CNKSR3: variants seen among roughly 807,000 people sequenced by gnomAD.
CNKSR3 encodes CNKSR family member 3.
A neutral mutation model predicts 67.7 loss-of-function variants in CNKSR3; 36 were observed. The ratio of observed to expected loss-of-function variants is 0.53; its 90% CI spans 0.41 to 0.70. The LOEUF (loss-of-function observed/expected upper bound fraction) is 0.70, where lower values mean the gene tolerates loss of function less well. Ranked by LOEUF, CNKSR3 falls within the 30% of genes least tolerant of loss-of-function variation. CNKSR3 has a pLI of 0.00. For missense variants in CNKSR3, 630 were observed against 695.2 expected (o/e 0.91, Z 1.05); for synonymous variants, 281 against 271.4 (o/e 1.04, Z -0.35).
intron 1 of CNKSR3, among the ~76,000 whole-genome samples, chr6:154,473,793 T>A (rs1786382643): frequency 6.6e-6 from 1 of 151,944 alleles, no homozygotes; most frequent in African/African-American, 2.4e-5. Flanking sequence ...CACTATTTTT[T>A]TTTTCTTTTT....
At chr6:154,453,615 T>C (rs1785885095) in intron 1 of CNKSR3, among the ~76,000 whole-genome samples, 1 of 152,236 alleles carries the variant, frequency 6.6e-6, no homozygotes, top group East Asian at 1.9e-4. Flanking sequence ...ATGCTAGGTT[T>C]TAAATAGTGT....
At chr6:154,509,204 T>C (rs1014003066) in intron 1 of CNKSR3, among the ~76,000 whole-genome samples, 4 of 151,944 alleles carry the variant, frequency 2.6e-5, no homozygotes, top group Admixed American at 2.6e-4. Context: ...CAGAAAAGGG[T>C]TGAGTAAACT....
chr6:154,437,318 C>T (rs1785491045), intron 4 of CNKSR3, among the ~76,000 whole-genome samples: 1 of 151,888 alleles, frequency 6.6e-6, no homozygotes, highest in South Asian at 2.1e-4. Flanking sequence ...GTAAGCCACA[C>T]TCAACTCATT....
At chr6:154,477,854 C>T (rs1032071458) in intron 1 of CNKSR3, among the ~76,000 whole-genome samples, 1 of 152,286 alleles carries the variant, frequency 6.6e-6, no homozygotes, top group Admixed American at 6.5e-5. Context: ...ATGTGACTCC[C>T]CTGATTTAGA....
At position 154,448,995 on chromosome 6, in the gene CNKSR3, C is replaced by T. The variant is rs575956848; in HGVS notation, c.216+1100G>A. On this transcript the variant is annotated intron_variant, in intron 2 of 12. Coordinates refer to ENST00000607772, the MANE Select transcript of CNKSR3 (RefSeq NM_173515.4). ...GTAAACTGCATCTTTAGCCTGGCAC[C>T]GGGACAGGCAGACTTGAATCCCACC... 2.0e-4 allele frequency among the ~76,000 whole-genome samples: 31 copies of T among 152,236 alleles called. 1 individual carries two copies. Among genetic ancestry groups the T allele is most frequent in the South Asian group, 8.3e-4 (4 of 4,818 alleles).
Position 154,398,021 on chromosome 6 carries a change from T to C in CNKSR3, c.*8333A>G, listed in dbSNP as rs3812242. The C allele has an allele frequency of 0.24, 36,321 of 152,140 alleles. 5,221 individuals carry two copies. Among genetic ancestry groups the C allele is most frequent in the African/African-American group, 0.4 (16,617 of 41,482 alleles). 9.4% of individuals were successfully genotyped at this position (152,140 alleles called of 1,614,324 possible). On this transcript the variant is annotated 3_prime_UTR_variant, in exon 13 of 13. Coordinates refer to ENST00000607772, the MANE Select transcript of CNKSR3 (RefSeq NM_173515.4). ...CATTGCAACCCATTAGGCTGAATCA[T>C]ATGAACTGCAGATTATGCAGGTAAA...
Position 154,441,355 on chromosome 6 carries a change from A to C in CNKSR3, c.444T>G (p.Asp148Glu). The change falls in exon 4 of 13, where the codon GAT becomes GAG. Residue 148 changes from aspartate to glutamate, a missense_variant. By Grantham distance (45) the Asp-to-Glu change is conservative. Transcript: ENST00000607772. Reference sequence around the variant, plus strand: ...TAATTTTGTTCTTCGTGACTGAGAAATCAGTGATCCCTGTAAACGGAGCCC... The same window carrying C: ...TAATTTTGTTCTTCGTGACTGAGAACTCAGTGATCCCTGTAAACGGAGCCC... ...LDRAPFTGIT[D>E]FSVTKNKIIQ... The C allele has an allele frequency of 6.2e-7, 1 of 1,614,018 alleles. No individual in the cohort carries two copies. Among genetic ancestry groups the C allele is most frequent in the South Asian group, 1.1e-5 (1 of 91,072 alleles).
At chr6:154,468,255 C>A (rs1562346759) in intron 1 of CNKSR3, among the ~76,000 whole-genome samples, 2 of 151,236 alleles carry the variant, frequency 1.3e-5, no homozygotes, top group Admixed American at 6.6e-5. Flanking sequence ...AATTTTTGTA[C>A]TTTTAGTAGA....
At chr6:154,407,025 T>G (rs1475258517) in intron 12 of CNKSR3, among the ~76,000 whole-genome samples, 5 of 151,836 alleles carry the variant, frequency 3.3e-5, no homozygotes, top group Non-Finnish European at 5.9e-5. Flanking sequence ...TGCCCAGACT[T>G]CTGCCACCAC....
chr6:154,425,260 C>CA (rs1785233304), intron 7 of CNKSR3, among the ~76,000 whole-genome samples: 1 of 152,200 alleles, frequency 6.6e-6, no homozygotes, highest in Admixed American at 6.5e-5. Context: ...AAGATAGCCC[C>CA]AAGGCTAGGA....
At chr6:154,445,710 G>A (rs900039399) in intron 2 of CNKSR3, among the ~76,000 whole-genome samples, 17 of 152,156 alleles carry the variant, frequency 1.1e-4, no homozygotes, top group African/African-American at 3.6e-4. Context: ...GAAATAAAGG[G>A]GTAGAGTGGC....
chr6:154,450,227 G>C lies in CNKSR3; in HGVS notation c.84C>G (p.His28Gln), dbSNP rs570102499. Residue 28 changes from histidine to glutamine, a missense_variant, in exon 2 of 13, where the codon CAC becomes CAG. Physicochemically the swap from His to Gln is conservative, Grantham distance 24. Around this residue, in one of 3 missense-constraint regions of CNKSR3, gnomAD observed 189 missense variants for 205.0 expected, o/e 0.92. Coordinates refer to ENST00000607772, the MANE Select transcript of CNKSR3 (RefSeq NM_173515.4). ...GLDDCLQQYV[H>Q]KFEREKINGE... is the part of the protein sequence containing the mutation. Reference sequence around the variant, plus strand: ...CGTTGATCTTCTCTCGTTCAAACTTGTGGACATATTGTTGCAGGCAGTCAT... The same window carrying C: ...CGTTGATCTTCTCTCGTTCAAACTTCTGGACATATTGTTGCAGGCAGTCAT... 8.7e-6 allele frequency: 14 copies of C among 1,614,126 alleles called. No homozygotes were observed. In the South Asian group the frequency reaches 1.4e-4, roughly 16 times the overall value.
At chr6:154,437,046 G>T (rs1378842871) in intron 4 of CNKSR3, among the ~76,000 whole-genome samples, 5 of 152,184 alleles carry the variant, frequency 3.3e-5, no homozygotes, top group East Asian at 3.9e-4. Flanking sequence ...AAGGGGGGAC[G>T]GCAAGATGTA....
At chr6:154,439,938 G>A (rs1785547276) in intron 4 of CNKSR3, among the ~76,000 whole-genome samples, 1 of 152,120 alleles carries the variant, frequency 6.6e-6, no homozygotes, top group African/African-American at 2.4e-5. Flanking sequence ...TACGGGAAGA[G>A]GGAAGCAAGG....
intron 1 of CNKSR3, among the ~76,000 whole-genome samples, chr6:154,507,965 A>C (rs1343039002): frequency 1.3e-5 from 2 of 152,190 alleles, no homozygotes; most frequent in Non-Finnish European, 2.9e-5. Flanking sequence ...AACAACAACA[A>C]CAACAACAAA....
At chr6:154,497,026 T>G (rs758332011) in intron 1 of CNKSR3, among the ~76,000 whole-genome samples, 2 of 152,052 alleles carry the variant, frequency 1.3e-5, no homozygotes, top group Admixed American at 6.5e-5. Context: ...AAATAAGCAT[T>G]GTGAAGGCGA....
At chr6:154,424,318 A>G (rs1584068393) in intron 7 of CNKSR3, among the ~76,000 whole-genome samples, 1 of 152,312 alleles carries the variant, frequency 6.6e-6, no homozygotes, top group Non-Finnish European at 1.5e-5. Context: ...GTTCTTGTTC[A>G]TATCAGCCAC....
chr6:154,414,446 A>G, intron 9 of CNKSR3, 23 bp from the exon 10 acceptor site: 1 of 1,568,816 alleles, frequency 6.4e-7, no homozygotes, highest in Non-Finnish European at 8.6e-7. Context: ...TAACACAGCA[A>G]TGCAAAGAGT....
intron 5 of CNKSR3, among the ~76,000 whole-genome samples, chr6:154,431,005 CT>C (rs1584075913): frequency 6.6e-6 from 1 of 151,190 alleles, no homozygotes; most frequent in East Asian, 1.9e-4. Flanking sequence ...ATGGACTTTA[CT>C]TTTTTAAGCT....
Sources: gnomAD v4.1 joint callset for allele counts (sites outside exome capture counted in the v4.1 genomes callset) on GRCh38, gnomAD v4.1.1 for gene constraint, gnomAD v4.1.1 regional missense constraint, MANE v1.5 for transcripts, NCBI Gene and HGNC (gene_info 2026-07-23, HGNC 2026-07-21) for gene names.